The following AUTS2 variants were observed in gnomAD, a reference collection of about 807,000 sequenced individuals.
The protein encoded by AUTS2 is activator of transcription and developmental regulator AUTS2.
In AUTS2, 17 loss-of-function variants were observed where a neutral mutation model predicts 112.4. That is an observed-to-expected ratio of 0.15 (90% CI 0.10 to 0.23). The LOEUF (loss-of-function observed/expected upper bound fraction) is 0.23, where lower values mean the gene tolerates loss of function less well. AUTS2 is among the 10% of genes least tolerant of loss of function. AUTS2 has a pLI of 1.00. For synonymous variants in AUTS2, 751 were observed against 702.7 expected, an observed-to-expected ratio of 1.07 and a Z score of -1.09; for missense variants, 1,510 against 1,701.6, an observed-to-expected ratio of 0.89 and a Z score of 1.98.
chr7:69,749,345 G>A (rs1036074417), intron 1 of AUTS2, among the ~76,000 whole-genome samples: 2 of 152,146 alleles, frequency 1.3e-5, no homozygotes, highest in Non-Finnish European at 2.9e-5. Flanking sequence ...CACTACCACA[G>A]TCAGTTTTAG....
Position 69,705,436 on chromosome 7 carries a change from T to TG in AUTS2, c.309+105476dup, listed in dbSNP as rs572393846. On this transcript the variant is annotated intron_variant, in intron 1 of 18. Transcript: ENST00000342771. ...ATGCATGGATGGATGAAAGGATGAC[T>TG]GGATAGATGGATGGTCAGTCCCAGT... 5.6e-3 allele frequency among the ~76,000 whole-genome samples: 850 copies of TG among 152,302 alleles called. 2 individuals are homozygous for TG. The highest frequency in any genetic ancestry group is 9.7e-3 in the Admixed American group (149 of 15,300).
intron 1 of AUTS2, among the ~76,000 whole-genome samples, chr7:69,877,739 C>T (rs909107829): frequency 1.3e-5 from 2 of 152,118 alleles, no homozygotes; most frequent in Non-Finnish European, 2.9e-5. Context: ...TGGTAATTCG[C>T]TTAGGAGAAA....
intron 4 of AUTS2, among the ~76,000 whole-genome samples, chr7:70,332,749 C>T (rs995462340): frequency 6.6e-6 from 1 of 152,146 alleles, no homozygotes; most frequent in African/African-American, 2.4e-5. Context: ...GTTGGGAAGA[C>T]CTGCTAGCCA....
chr7:70,341,336 G>C (rs998447135), intron 4 of AUTS2, among the ~76,000 whole-genome samples: 8 of 152,224 alleles, frequency 5.3e-5, no homozygotes, highest in African/African-American at 1.9e-4. Context: ...AAATGGGGCA[G>C]AATTCATTAC....
intron 1 of AUTS2, among the ~76,000 whole-genome samples, chr7:69,660,002 A>AT (rs1221431188): frequency 6.6e-6 from 1 of 152,180 alleles, no homozygotes; most frequent in Non-Finnish European, 1.5e-5. Context: ...ACTTCAGAGG[A>AT]TAAAAACTAG....
At chr7:69,868,489 A>G (rs1046524208) in intron 1 of AUTS2, among the ~76,000 whole-genome samples, 8 of 152,182 alleles carry the variant, frequency 5.3e-5, no homozygotes, top group African/African-American at 1.7e-4. Context: ...CGAAGTTTTT[A>G]TCCAAGACTA....
chr7:70,295,083 A>G (rs1168614380), intron 4 of AUTS2, among the ~76,000 whole-genome samples: 1 of 152,242 alleles, frequency 6.6e-6, no homozygotes, highest in African/African-American at 2.4e-5. Context: ...GCAGAAGTGT[A>G]TTCTCTATTT....
intron 1 of AUTS2, among the ~76,000 whole-genome samples, chr7:69,890,986 G>A (rs1794494346): frequency 6.6e-6 from 1 of 152,168 alleles, no homozygotes; most frequent in Non-Finnish European, 1.5e-5. Flanking sequence ...CAGCTTTATG[G>A]AGGTATAATT....
chr7:69,693,543 G>T (rs1252276725), intron 1 of AUTS2, among the ~76,000 whole-genome samples: 1 of 152,170 alleles, frequency 6.6e-6, no homozygotes, highest in Non-Finnish European at 1.5e-5. Flanking sequence ...TTGTTTCAAG[G>T]ACTGGAACCT....
intron 4 of AUTS2, among the ~76,000 whole-genome samples, chr7:70,372,390 T>C (rs978921538): frequency 6.6e-6 from 1 of 152,206 alleles, no homozygotes; most frequent in Non-Finnish European, 1.5e-5. Flanking sequence ...GCTAAAAAGA[T>C]GTGCAGTAAT....
intron 5 of AUTS2, among the ~76,000 whole-genome samples, chr7:70,605,772 A>C (rs928493040): frequency 6.6e-6 from 1 of 152,296 alleles, no homozygotes; most frequent in South Asian, 2.1e-4. Flanking sequence ...AATTTGAGGA[A>C]TACACACAGA....
chr7:70,553,393 T>G (rs1801095645), intron 5 of AUTS2, among the ~76,000 whole-genome samples: 1 of 152,150 alleles, frequency 6.6e-6, no homozygotes, highest in South Asian at 2.1e-4. Context: ...AAAATGACAC[T>G]TGGGCACCTG....
At chr7:70,281,342 A>G (rs1788205676) in intron 4 of AUTS2, among the ~76,000 whole-genome samples, 1 of 152,226 alleles carries the variant, frequency 6.6e-6, no homozygotes, top group Non-Finnish European at 1.5e-5. Context: ...ACAGAGCGAA[A>G]CATATCTAGA....
chr7:70,114,532 C>T (rs1805256297), intron 2 of AUTS2, among the ~76,000 whole-genome samples: 1 of 152,184 alleles, frequency 6.6e-6, no homozygotes, highest in Non-Finnish European at 1.5e-5. Context: ...GTGACTCACA[C>T]CTGTAATCCC....
At chr7:70,298,245 T>C (rs756918349) in intron 4 of AUTS2, among the ~76,000 whole-genome samples, 11 of 152,116 alleles carry the variant, frequency 7.2e-5, no homozygotes, top group Non-Finnish European at 1.6e-4. Flanking sequence ...TTGGCCAGAC[T>C]GGTCTCGAAC....
In AUTS2 at chr7:70,791,275, C is replaced by CT. The variant is rs2129561862; in HGVS notation, c.*279_*280insT. The CT allele has an allele frequency of 6.2e-6, 1 of 162,386 alleles. No individual in the cohort carries two copies. Among genetic ancestry groups the CT allele is most frequent in the South Asian group, 2.4e-4 (1 of 4,190 alleles). The allele number at this position is 162,386 out of a possible 1,614,324, so 10.1% of individuals were successfully genotyped here. A position where few individuals can be genotyped will look rare whatever the true frequency, so the allele number is the denominator to read the frequency against. On this transcript the variant is annotated 3_prime_UTR_variant, in exon 19 of 19. Transcript: ENST00000342771. ...ATTTGAACCAAAACAGTGAAGATGACAACACACACCAATTGGATGATAATT... is the reference window on the plus strand; with the variant it reads ...ATTTGAACCAAAACAGTGAAGATGACTAACACACACCAATTGGATGATAATT...
chr7:70,040,748 G>T (rs1276831709), intron 2 of AUTS2, among the ~76,000 whole-genome samples: 1 of 152,198 alleles, frequency 6.6e-6, no homozygotes, highest in African/African-American at 2.4e-5. Context: ...TGGTGGGATT[G>T]GTGGGGTGGA....
chr7:70,753,306 G>T (rs1256184417), intron 6 of AUTS2, among the ~76,000 whole-genome samples: 4 of 152,016 alleles, frequency 2.6e-5, no homozygotes, highest in Non-Finnish European at 5.9e-5. Flanking sequence ...AACCCTGAAG[G>T]CCCTCAGAGG....
chr7:69,943,951 AAC>A (rs1223290661), intron 2 of AUTS2, among the ~76,000 whole-genome samples: 1 of 152,214 alleles, frequency 6.6e-6, no homozygotes, highest in Non-Finnish European at 1.5e-5. Context: ...AATGCTGCTT[AAC>A]AGTTGTTTTA....
Sources: allele counts gnomAD v4.1 joint callset (sites outside exome capture counted in the v4.1 genomes callset), GRCh38; gene constraint gnomAD v4.1.1; transcripts MANE v1.5; gene names NCBI Gene and HGNC (gene_info 2026-07-23, HGNC 2026-07-21).